The following BRCA1 variants were observed in gnomAD, a reference collection of about 807,000 sequenced individuals.
BRCA1 encodes BRCA1 DNA repair associated, also known as breast cancer type 1 susceptibility protein.
A neutral mutation model predicts 173.7 loss-of-function variants in BRCA1; 140 were observed. The ratio of observed to expected loss-of-function variants is 0.81; its 90% CI spans 0.70 to 0.93. The LOEUF is 0.93. Among genes scored for constraint, BRCA1 ranks in the 40% least tolerant of loss-of-function variants. The pLI, the probability that BRCA1 is intolerant of heterozygous loss-of-function variation, is 0.00. For synonymous variants in BRCA1, 662 were observed against 756.0 expected, an observed-to-expected ratio of 0.88 and a Z score of 2.04; for missense variants, 1,983 against 2,172.5, an observed-to-expected ratio of 0.91 and a Z score of 1.73.
intron 1 of BRCA1, chr17:43,144,707 C>T (rs1213109248): frequency 4.2e-6 from 1 of 235,400 alleles, no homozygotes; most frequent in Non-Finnish European, 8.5e-6. Flanking sequence ...TATATATATT[C>T]TTTAATATAA....
rs1187854390 is a variant in BRCA1 at position 43,051,042 on chromosome 17, G to C, written c.5332+21C>G. 2 of 1,610,588 alleles carry C rather than the reference G, an allele frequency of 1.2e-6. No individual in the cohort carries two copies. The highest frequency in any genetic ancestry group is 1.7e-6 in the Non-Finnish European group (2 of 1,176,900). ...AGACAAAGGCTGGTGCTGGAACTCTGGGGTTCTCCCAGGCTCTTACCTGTG... is the reference window on the plus strand; with the variant it reads ...AGACAAAGGCTGGTGCTGGAACTCTCGGGTTCTCCCAGGCTCTTACCTGTG... On this transcript the variant is annotated intron_variant, in intron 20 of 22. Coordinates refer to ENST00000357654, the MANE Select transcript of BRCA1 (RefSeq NM_007294.4).
chr17:43,105,922 G>A (rs1022132039), intron 4 of BRCA1, among the ~76,000 whole-genome samples: 1 of 151,966 alleles, frequency 6.6e-6, no homozygotes, highest in Non-Finnish European at 1.5e-5. Context: ...CCTGAGCTCA[G>A]GAGTTACCAG....
At chr17:43,088,951 A>G (rs1364741055) in intron 11 of BRCA1, among the ~76,000 whole-genome samples, 1 of 152,176 alleles carries the variant, frequency 6.6e-6, no homozygotes, top group Admixed American at 6.5e-5. Context: ...ATAAATGAAA[A>G]AAATAAACTG....
chr17:43,121,443 C>G (rs530237481), intron 2 of BRCA1, among the ~76,000 whole-genome samples: 7 of 151,890 alleles, frequency 4.6e-5, no homozygotes, highest in Admixed American at 1.3e-4. Flanking sequence ...CCAGCACTTT[C>G]GGAGGCCAAG....
At position 43,049,121 on chromosome 17, in the gene BRCA1, T is replaced by G. The variant is rs879255493; in HGVS notation, c.5406A>C (p.Thr1802=). Reference sequence around the variant, plus strand: ...CTCTGACAGGGCACCCAATACTTACTGTGCCAAGGGTGAATGATGAAAGCT... The same window carrying G: ...CTCTGACAGGGCACCCAATACTTACGGTGCCAAGGGTGAATGATGAAAGCT... ...VKELSSFTLG[T]GVHPIVVVQP... is the part of the protein sequence containing the mutation. Residue 1802 remains threonine (T), a splice_region_variant and synonymous_variant, in exon 21 of 23, where the codon ACA becomes ACC. Coordinates refer to ENST00000357654, the MANE Select transcript of BRCA1 (RefSeq NM_007294.4). 3 of 1,613,740 alleles carry G rather than the reference T, an allele frequency of 1.9e-6. No individual in the cohort carries two copies. The highest frequency in any genetic ancestry group is 2.5e-6 in the Non-Finnish European group (3 of 1,179,608).
At chr17:43,145,401 AC>A (rs2056114258) in intron 1 of BRCA1, 5 of 384,030 alleles carry the variant, frequency 1.3e-5, no homozygotes, top group Non-Finnish European at 2.4e-5. Context: ...ATCTCGGCTC[AC>A]TGCAAGCTCC....
At chr17:43,074,926 AAAGGAAAGG>A (rs2052640676) in intron 13 of BRCA1, among the ~76,000 whole-genome samples, 1 of 149,834 alleles carries the variant, frequency 6.7e-6, no homozygotes, top group Non-Finnish European at 1.5e-5. Context: ...GTCAAGAAAG[AAAGGAAAGG>A]AAAGAAAGGA....
intron 1 of BRCA1, among the ~76,000 whole-genome samples, chr17:43,152,282 T>C (rs1597942096): frequency 6.6e-6 from 1 of 152,258 alleles, no homozygotes; most frequent in South Asian, 2.1e-4. Context: ...GTTCTCTCTT[T>C]AGCACCTCTC....
At chr17:43,088,307 C>T (rs2053308790) in intron 11 of BRCA1, among the ~76,000 whole-genome samples, 1 of 152,106 alleles carries the variant, frequency 6.6e-6, no homozygotes, top group Non-Finnish European at 1.5e-5. Context: ...CAGTAACTCC[C>T]CATTTCCCCC....
chr17:43,169,472 C>A (rs1490352222), intron 1 of BRCA1, among the ~76,000 whole-genome samples: 5 of 152,306 alleles, frequency 3.3e-5, no homozygotes, highest in Middle Eastern at 3.4e-3. Flanking sequence ...CGGCGACCAG[C>A]TGATGTTCTT....
rs1302678544 is a variant in BRCA1, at chr17:43,092,728, T to G, written c.2803A>C (p.Lys935Gln). The G allele has an allele frequency of 2.5e-6, 4 of 1,614,042 alleles. No individual in the cohort carries two copies. The African/African-American group carries it at 4.0e-5, about 16-fold the overall frequency. Residue 935 changes from lysine to glutamine, a missense_variant, in exon 10 of 23, where the codon AAA becomes CAA. Physicochemically the swap from Lys to Gln is moderately conservative, Grantham distance 53. Transcript: ENST00000357654. ...TTGGCATTATCAACTGGCTTATCTT[T>G]CTGACCAACCACAGGAAAGCCTGCA... ...ITAGFPVVGQKDKPVDNAKCS... is the reference protein window; with the variant it reads ...ITAGFPVVGQQDKPVDNAKCS...
At chr17:43,139,704 C>G in intron 1 of BRCA1, 1 of 360,430 alleles carries the variant, frequency 2.8e-6, no homozygotes, top group Non-Finnish European at 5.5e-6. Flanking sequence ...CCTTCACCCT[C>G]AGGTAGGGCC....
intron 14 of BRCA1, among the ~76,000 whole-genome samples, chr17:43,071,727 A>C (rs2052452721): frequency 1.3e-5 from 2 of 152,072 alleles, no homozygotes; most frequent in Admixed American, 1.3e-4. Flanking sequence ...TTATGGGCCG[A>C]GCACGGTGGC....
At chr17:43,129,523 G>T (rs2154581290), upstream of BRCA1, among the ~76,000 whole-genome samples, 1 of 151,832 alleles carries the variant, frequency 6.6e-6, no homozygotes, top group Non-Finnish European at 1.5e-5. Flanking sequence ...AGCCTGAAGT[G>T]CAGTGGCACG....
intron 2 of BRCA1, among the ~76,000 whole-genome samples, chr17:43,123,743 C>T (rs2055697856): frequency 1.3e-5 from 2 of 152,176 alleles, no homozygotes; most frequent in Admixed American, 1.3e-4. Flanking sequence ...TAGATTCCTG[C>T]CCCAGTGCAG....
upstream of BRCA1, among the ~76,000 whole-genome samples, chr17:43,130,383 T>C (rs1284072813): frequency 6.6e-6 from 1 of 152,162 alleles, no homozygotes; most frequent in Admixed American, 6.5e-5. Flanking sequence ...GGCATGATCT[T>C]GGCGCACTGC....
intron 2 of BRCA1, among the ~76,000 whole-genome samples, chr17:43,123,349 GTTTTTTTTTT>G (rs149379936): frequency 2.3e-5 from 2 of 85,166 alleles, no homozygotes; most frequent in African/African-American, 5.9e-5. Flanking sequence ...GATCATCCAT[GTTTTTTTTTT>G]TTTTTTTTTT....
At chr17:43,105,896 C>G (rs1169766975) in intron 4 of BRCA1, among the ~76,000 whole-genome samples, 1 of 151,710 alleles carries the variant, frequency 6.6e-6, no homozygotes, top group East Asian at 1.9e-4. Context: ...TTTGGGAGGC[C>G]GAGGTGGGCA....
intron 1 of BRCA1, chr17:43,138,391 A>G: frequency 3.8e-6 from 2 of 527,724 alleles, no homozygotes; most frequent in Non-Finnish European, 6.8e-6. Flanking sequence ...CAATCAACTC[A>G]GGGCATGGTT....
Sources: gnomAD v4.1 joint callset for allele counts (sites outside exome capture counted in the v4.1 genomes callset) on GRCh38, gnomAD v4.1.1 for gene constraint, MANE v1.5 for transcripts, NCBI Gene and HGNC (gene_info 2026-07-23, HGNC 2026-07-21) for gene names.